SYMPK: variants seen among roughly 807,000 people sequenced by gnomAD.
SYMPK encodes symplekin scaffold protein.
In SYMPK, 49 loss-of-function variants were observed where a neutral mutation model predicts 136.4. The observed-to-expected ratio is 0.36, with a 90% CI of 0.29 to 0.46. The LOEUF is 0.46. Ranked by LOEUF, SYMPK falls within the 20% of genes least tolerant of loss-of-function variation. The pLI is 1.00. For synonymous variants in SYMPK, 766 were observed against 713.0 expected (o/e 1.07, Z -1.19); for missense variants, 1,365 against 1,690.0 (o/e 0.81, Z 3.37).
chr19:45,855,793 G>C (rs537418053), intron 1 of SYMPK: 1 of 151,590 alleles, frequency 6.6e-6, no homozygotes, highest in African/African-American at 2.4e-5. Flanking sequence ...CCTAGGAGTC[G>C]GAGAGCAGCC....
chr19:45,825,470 G>A, intron 17 of SYMPK, 139 bp from the exon 18 acceptor site: 11 of 1,112,596 alleles, frequency 9.9e-6, no homozygotes, highest in Non-Finnish European at 1.4e-5. Context: ...ATTGTTCTAG[G>A]GCAGGGAAAT....
At position 45,815,863 on chromosome 19, in the gene SYMPK, GCCC is replaced by G; in HGVS notation, c.3672_3674del (p.Glu1224_Gly1225delinsAsp). On this transcript the variant is annotated inframe_deletion, in exon 26 of 27. Transcript: ENST00000245934. Reference sequence around the variant, plus strand: ...CTGCTCTCCCTACCTTGGGTAGGGGGCCCTCGAGACTAGAGTCCAACAGCGCGG... The same window carrying G: ...CTGCTCTCCCTACCTTGGGTAGGGGGTCGAGACTAGAGTCCAACAGCGCGG... 1 of 1,612,058 alleles carries G rather than the reference GCCC, an allele frequency of 6.2e-7. No homozygotes were observed. Among genetic ancestry groups the G allele is most frequent in the Non-Finnish European group, 8.5e-7 (1 of 1,179,752 alleles).
chr19:45,851,064 A>G (rs1205583890), intron 5 of SYMPK, among the ~76,000 whole-genome samples: 2 of 152,024 alleles, frequency 1.3e-5, no homozygotes, highest in Non-Finnish European at 1.5e-5. Flanking sequence ...GATGAAGCCG[A>G]AGTGAGAGTT....
intron 1 of SYMPK, among the ~76,000 whole-genome samples, chr19:45,858,817 C>T (rs918508090): frequency 5.3e-5 from 8 of 151,848 alleles, no homozygotes; most frequent in Non-Finnish European, 1.0e-4. Flanking sequence ...GCCCGGCCGA[C>T]GACCATATTT....
chr19:45,827,873 ACT>A lies in SYMPK; in HGVS notation c.2029_2030del (p.Ser677CysfsTer12), dbSNP rs1971083532. 1 of 1,613,728 alleles carries A rather than the reference ACT, an allele frequency of 6.2e-7. No individual in the cohort carries two copies. ...VVLEAPLITE[S>X]ALEVVRKYCE... ...AGTACTTGCGGACCACCTCCAGGGC[ACT>A]CTCTGTGATGAGTGGCGCCTCCAGC... is the stretch of plus-strand genomic sequence containing the variant. On this transcript the variant is annotated frameshift_variant, in exon 15 of 27. Transcript: ENST00000245934. LOFTEE classifies it high-confidence loss of function.
At chr19:45,843,877 G>A (rs959985724) in intron 8 of SYMPK, among the ~76,000 whole-genome samples, 153 bp downstream of exon 8, 5 of 137,600 alleles carry the variant, frequency 3.6e-5, no homozygotes, top group Admixed American at 3.4e-4. Flanking sequence ...TGGGGAGGCA[G>A]AGGTTGCAGT....
At chr19:45,817,532 A>G (rs965815557) in intron 23 of SYMPK, among the ~76,000 whole-genome samples, 6 of 149,854 alleles carry the variant, frequency 4.0e-5, no homozygotes, top group Admixed American at 6.7e-5. Flanking sequence ...CCTGGGCTCA[A>G]GCAGTCCTCC....
chr19:45,851,039 G>C (rs921120759), intron 5 of SYMPK, among the ~76,000 whole-genome samples: 7 of 152,116 alleles, frequency 4.6e-5, no homozygotes, highest in Non-Finnish European at 8.8e-5. Flanking sequence ...GGGAGACAGA[G>C]AGGATCAGAA....
chr19:45,846,704 CT>C (rs1204110063), intron 7 of SYMPK, among the ~76,000 whole-genome samples: 1 of 152,144 alleles, frequency 6.6e-6, no homozygotes, highest in African/African-American at 2.4e-5. Flanking sequence ...ACATAATACT[CT>C]TAACAGTGTT....
intron 18 of SYMPK, 135 bp downstream of exon 18, chr19:45,825,036 C>T: frequency 3.6e-6 from 4 of 1,105,556 alleles, no homozygotes; most frequent in Non-Finnish European, 3.9e-6. Flanking sequence ...GCAAGCTACA[C>T]AGCCTGGGTC....
At chr19:45,824,908 A>C (rs938414741) in intron 18 of SYMPK, among the ~76,000 whole-genome samples, 1 of 152,102 alleles carries the variant, frequency 6.6e-6, no homozygotes, top group African/African-American at 2.4e-5. Context: ...ATTTTTACTG[A>C]CGGGCCCAAG....
rs1284677222 is a variant in SYMPK at position 45,863,040 on chromosome 19, A to G, written c.-13+18T>C. The G allele has an allele frequency of 2.5e-6, 1 of 401,052 alleles. No individual in the cohort carries two copies. Among genetic ancestry groups the G allele is most frequent in the Admixed American group, 4.4e-5 (1 of 22,700 alleles). 24.8% of individuals were successfully genotyped at this position (401,052 alleles called of 1,614,324 possible). ...CTCCTCCTTTCGTCTCCGGGCCCAAACGCCGCCTCCCGCTCACCGCAGCTC... is the reference window on the plus strand; with the variant it reads ...CTCCTCCTTTCGTCTCCGGGCCCAAGCGCCGCCTCCCGCTCACCGCAGCTC... On this transcript the variant is annotated intron_variant, in intron 1 of 26. Transcript: ENST00000245934.
At position 45,826,254 on chromosome 19, in the gene SYMPK, A is replaced by G. The variant is rs1390058646; in HGVS notation, c.2301T>C (p.Ser767=). 6.2e-7 allele frequency: 1 copy of G among 1,613,296 alleles called. No individual in the cohort carries two copies. The highest frequency in any genetic ancestry group is 2.2e-5 in the East Asian group (1 of 44,872). ...LQLLVHPNPP[S]VLFGADKDTE... ...TGTCCTTGTCAGCTCCAAACAGCAC[A>G]GACGGTGGGTTGGGGTGCACCAGGA... Residue 767 remains serine, a synonymous_variant, in exon 17 of 27, where the codon TCT becomes TCC. Transcript: ENST00000245934.
At position 45,854,542 on chromosome 19, in the gene SYMPK, C is replaced by G. The variant is rs761640767; in HGVS notation, c.-12-35G>C. On this transcript the variant is annotated intron_variant, in intron 1 of 26. Coordinates refer to ENST00000245934, the MANE Select transcript of SYMPK (RefSeq NM_004819.3). ...AGGAAAGAAGAGGATGGATCAAGCT[C>G]AGGGAACCAGCGGATGGGCTGGGCT... is the stretch of plus-strand genomic sequence containing the variant. 2.5e-6 allele frequency: 4 copies of G among 1,569,022 alleles called. No homozygotes were observed. In the East Asian group the frequency reaches 9.0e-5, roughly 35 times the overall value.
chr19:45,822,577 T>C (rs577724006), intron 21 of SYMPK, among the ~76,000 whole-genome samples, 179 bp downstream of exon 21: 4 of 152,062 alleles, frequency 2.6e-5, no homozygotes, highest in Non-Finnish European at 2.9e-5. Flanking sequence ...GAAACCATCA[T>C]AAAAATATCC....
At chr19:45,853,805 G>A (rs907696447) in intron 3 of SYMPK, among the ~76,000 whole-genome samples, 2 of 152,128 alleles carry the variant, frequency 1.3e-5, no homozygotes, top group Non-Finnish European at 1.5e-5. Flanking sequence ...GGTCATCATT[G>A]CCTGGTGACA....
At chr19:45,860,129 CAA>C (rs200235781) in intron 1 of SYMPK, among the ~76,000 whole-genome samples, 4 of 129,932 alleles carry the variant, frequency 3.1e-5, no homozygotes, top group Admixed American at 7.8e-5. Context: ...AACCTGTTTC[CAA>C]AAAAAAAAAA....
At chr19:45,850,667 T>A (rs1404432311) in intron 5 of SYMPK, among the ~76,000 whole-genome samples, 1 of 152,172 alleles carries the variant, frequency 6.6e-6, no homozygotes, top group Non-Finnish European at 1.5e-5. Context: ...GACTGTTATG[T>A]TCAACTCATT....
intron 13 of SYMPK, 111 bp from the exon 14 acceptor site, chr19:45,829,316 G>A (rs1971117497): frequency 1.0e-6 from 1 of 979,884 alleles, no homozygotes; most frequent in Non-Finnish European, 1.5e-6. Flanking sequence ...GAGCAGACAA[G>A]GAGTGAAGCG....
Sources: gnomAD v4.1 joint callset for allele counts (sites outside exome capture counted in the v4.1 genomes callset) on GRCh38, gnomAD v4.1.1 for gene constraint, MANE v1.5 for transcripts, NCBI Gene and HGNC (gene_info 2026-07-23, HGNC 2026-07-21) for gene names.